The following MYO15B variants were observed in gnomAD, a reference collection of about 807,000 sequenced individuals.
MYO15B encodes the protein myosin XVB.
Under a neutral mutation model 119.3 loss-of-function variants are expected in MYO15B, and 207 were observed. The observed-to-expected ratio is 1.73, with a 90% CI of 1.55 to 1.95. The LOEUF (loss-of-function observed/expected upper bound fraction) is 1.95, where lower values mean the gene tolerates loss of function less well. Ranked by LOEUF, MYO15B falls within the 30% of genes most tolerant of loss-of-function variation. The pLI is 0.00. For missense variants in MYO15B, 2,264 were observed against 1,203.1 expected (o/e 1.88, Z -13.04); for synonymous variants, 966 against 498.9 (o/e 1.94, Z -12.48).
At chr17:75,607,945 A>G (rs1390329545) in intron 21 of MYO15B, among the ~76,000 whole-genome samples, 2 of 152,176 alleles carry the variant, frequency 1.3e-5, no homozygotes, top group African/African-American at 2.4e-5. Context: ...CATCCTTGCC[A>G]GTACTTATTC....
chr17:75,588,438 G>C, exon 1 of MYO15B: 1 of 398,516 alleles, frequency 2.5e-6, no homozygotes, highest in Non-Finnish European at 4.4e-6. Context: ...GCCGTAGGAG[G>C]AAGCGGAAAG....
At chr17:75,625,450 G>T in intron 60 of MYO15B, 77 bp from the exon 61 acceptor site, 1 of 689,632 alleles carries the variant, frequency 1.5e-6, no homozygotes, top group South Asian at 1.5e-5. Flanking sequence ...ATAGGCACTG[G>T]TTATTTGGCA....
chr17:75,616,267 C>T (rs1405894000), intron 37 of MYO15B, 45 bp from the exon 38 acceptor site: 10 of 594,320 alleles, frequency 1.7e-5, no homozygotes, highest in Non-Finnish European at 2.4e-5. Context: ...AGGAGCCCAG[C>T]TGGGCCAGTA....
At chr17:75,591,751 G>T in intron 5 of MYO15B, 39 bp downstream of exon 5, 1 of 702,720 alleles carries the variant, frequency 1.4e-6, no homozygotes, top group East Asian at 2.7e-5. Context: ...GGTTGAGCTG[G>T]CCGTCTGTCT....
chr17:75,593,169 AG>A (rs1273497062), intron 9 of MYO15B: 2 of 157,642 alleles, frequency 1.3e-5, no homozygotes, highest in East Asian at 3.4e-4. Flanking sequence ...AGACCAGCCT[AG>A]GCAACATAGA....
rs1230508380 is a variant in MYO15B, at chr17:75,619,493, T to C, written c.7182+17T>C. 3 of 698,300 alleles carry C rather than the reference T, an allele frequency of 4.3e-6. No individual in the cohort carries two copies. Among genetic ancestry groups the C allele is most frequent in the Non-Finnish European group, 7.8e-6 (3 of 383,164 alleles). 43.3% of individuals were successfully genotyped at this position (698,300 alleles called of 1,614,324 possible). Reference sequence around the variant, plus strand: ...CCTGTCTCGGTCAGTGGCGCTGGGGTAGGGAGTAGGGATGCCAGGCCCCCA... The same window carrying C: ...CCTGTCTCGGTCAGTGGCGCTGGGGCAGGGAGTAGGGATGCCAGGCCCCCA... On this transcript the variant is annotated intron_variant, in intron 45 of 63. Coordinates refer to ENST00000645453, the Ensembl canonical transcript of MYO15B.
chr17:75,613,279 T>G lies in MYO15B; in HGVS notation c.4968-14T>G. ...ATCACCCTGCCTCCACTGCAGCCTG[T>G]GCCCGCCCTGCAGGTTCGTGTCTGA... On this transcript the variant is annotated splice_polypyrimidine_tract_variant and intron_variant, in intron 27 of 63. Coordinates refer to ENST00000645453, the Ensembl canonical transcript of MYO15B. The G allele has an allele frequency of 1.5e-6, 1 of 667,796 alleles. No homozygotes were observed. The highest frequency in any genetic ancestry group is 2.8e-6 in the Non-Finnish European group (1 of 363,578). The allele number at this position is 667,796 out of a possible 1,614,324, so 41.4% of individuals were successfully genotyped here.
intron 21 of MYO15B, among the ~76,000 whole-genome samples, chr17:75,608,589 C>T (rs1436692966): frequency 6.6e-6 from 1 of 151,890 alleles, no homozygotes; most frequent in Non-Finnish European, 1.5e-5. Flanking sequence ...TCAAGTGAGC[C>T]GAGATCGCGC....
chr17:75,608,404 T>G (rs2057790960), intron 21 of MYO15B, among the ~76,000 whole-genome samples: 1 of 152,140 alleles, frequency 6.6e-6, no homozygotes, highest in Non-Finnish European at 1.5e-5. Context: ...ATTACAGGCA[T>G]GAGCCACTGC....
rs2056515502 is a variant in MYO15B at position 75,592,227 on chromosome 17, T to C, written c.2652-11T>C. 2.8e-6 allele frequency: 2 copies of C among 702,762 alleles called. No homozygotes were observed. Among genetic ancestry groups the C allele is most frequent in the Non-Finnish European group, 2.6e-6 (1 of 384,898 alleles). The allele number at this position is 702,762 out of a possible 1,614,324, so 43.5% of individuals were successfully genotyped here. A position where few individuals can be genotyped will look rare whatever the true frequency, so the allele number is the denominator to read the frequency against. ...ATCCTGGGCACTCACACCCATCTTC[T>C]GTGCCCACAGAGGGGTCATCGTGGG... is the stretch of plus-strand genomic sequence containing the variant. On this transcript the variant is annotated splice_polypyrimidine_tract_variant and intron_variant, in intron 6 of 63. Transcript: ENST00000645453.
At chr17:75,611,865 C>T in intron 24 of MYO15B, 21 bp from the exon 25 acceptor site, 1 of 702,726 alleles carries the variant, frequency 1.4e-6, no homozygotes, top group South Asian at 1.5e-5. Context: ...TCCTGGGCTG[C>T]CTCCCGGTGC....
chr17:75,616,533 C>T (rs1475072106), exon 39 of MYO15B: 15 of 702,440 alleles, frequency 2.1e-5, no homozygotes, highest in East Asian at 8.1e-5. Flanking sequence ...GTGCCGTCCC[C>T]TCCTCCTCCC....
At chr17:75,624,635 G>A (rs1012914989) in exon 58 of MYO15B, 5 of 702,904 alleles carry the variant, frequency 7.1e-6, no homozygotes, top group Admixed American at 6.0e-5. Context: ...TCATCAAAGA[G>A]AAGAGTAAGC....
At chr17:75,621,506 C>T (rs1192555034) in exon 52 of MYO15B, 2 of 702,032 alleles carry the variant, frequency 2.8e-6, no homozygotes, top group Non-Finnish European at 5.2e-6. Context: ...CACAGGCTCC[C>T]ATCCAGGAGT....
chr17:75,622,602 C>G (rs1033744458), intron 53 of MYO15B, among the ~76,000 whole-genome samples: 1 of 152,164 alleles, frequency 6.6e-6, no homozygotes, highest in African/African-American at 2.4e-5. Flanking sequence ...TGGAGAGAGA[C>G]TCGGCTTACA....
At chr17:75,622,604 C>T (rs539379625) in intron 53 of MYO15B, among the ~76,000 whole-genome samples, 8 of 152,268 alleles carry the variant, frequency 5.3e-5, no homozygotes, top group South Asian at 2.1e-4. Flanking sequence ...GAGAGAGACT[C>T]GGCTTACATT....
At position 75,595,079 on chromosome 17, in the gene MYO15B, T is replaced by A. The variant is rs1354595978; in HGVS notation, c.3297+107T>A. ...TCCCTGGGGGCACTCGCGAGGTGCT[T>A]GTCTGTCTGGCAGGGCGCTTTCAGG... On this transcript the variant is annotated intron_variant, in intron 12 of 63. Transcript: ENST00000645453. 14 of 643,470 alleles carry A rather than the reference T, an allele frequency of 2.2e-5. 1 individual carries two copies. Among genetic ancestry groups the A allele is most frequent in the Middle Eastern group, 7.4e-4 (2 of 2,718 alleles). 39.9% of individuals were successfully genotyped at this position (643,470 alleles called of 1,614,324 possible).
chr17:75,612,088 C>T lies in MYO15B; in HGVS notation c.4635+72C>T, dbSNP rs572418359. ...GTTAGCACCTGCCTGACAGATGCTG[C>T]GTTTTTTTCCCCGCTGTCAGCTCTT... On this transcript the variant is annotated intron_variant, in intron 25 of 63. Transcript: ENST00000645453. 206 of 676,386 alleles carry T rather than the reference C, an allele frequency of 3.0e-4. 3 individuals are homozygous for T. Among genetic ancestry groups the T allele is most frequent in the African/African-American group, 9.7e-4 (55 of 56,754 alleles). 41.9% of individuals were successfully genotyped at this position (676,386 alleles called of 1,614,324 possible).
chr17:75,594,226 G>T (rs1457906622), intron 9 of MYO15B, among the ~76,000 whole-genome samples: 1 of 152,136 alleles, frequency 6.6e-6, no homozygotes, highest in East Asian at 1.9e-4. Context: ...TTCCCCTTTA[G>T]CAGTGAGGCC....
Sources: allele counts gnomAD v4.1 joint callset (sites outside exome capture counted in the v4.1 genomes callset), GRCh38; gene constraint gnomAD v4.1.1; transcripts MANE v1.5; gene names NCBI Gene and HGNC (gene_info 2026-07-23, HGNC 2026-07-21).